Variants in NTF3 observed in about 807,000 individuals in gnomAD.
NTF3 encodes the protein neurotrophin 3, also known as neurotrophin-3.
In NTF3, 8 loss-of-function variants were observed where a neutral mutation model predicts 26.3. That is an observed-to-expected ratio of 0.30 (90% CI 0.18 to 0.55). The LOEUF (loss-of-function observed/expected upper bound fraction) is 0.55, where lower values mean the gene tolerates loss of function less well. NTF3 is among the 20% of genes least tolerant of loss of function. NTF3 has a pLI of 0.93. For synonymous variants in NTF3, 154 were observed against 145.5 expected (o/e 1.06, Z -0.42); for missense variants, 276 against 352.9 (o/e 0.78, Z 1.75).
intron 1 of NTF3, among the ~76,000 whole-genome samples, chr12:5,460,715 C>G (rs1346101832): frequency 1.3e-5 from 2 of 152,184 alleles, no homozygotes; most frequent in African/African-American, 4.8e-5. Context: ...GCCCCCATCC[C>G]AGTTTTAACC....
intron 1 of NTF3, among the ~76,000 whole-genome samples, chr12:5,472,165 C>T (rs1450553888): frequency 6.6e-6 from 1 of 152,126 alleles, no homozygotes; most frequent in African/African-American, 2.4e-5. Flanking sequence ...GACATTCCTA[C>T]ACACTGACAT....
At chr12:5,462,818 T>C (rs1234573536) in intron 1 of NTF3, among the ~76,000 whole-genome samples, 4 of 152,222 alleles carry the variant, frequency 2.6e-5, no homozygotes, top group African/African-American at 7.2e-5. Context: ...GATGTTCTTT[T>C]TGCGCACACT....
intron 1 of NTF3, among the ~76,000 whole-genome samples, chr12:5,446,351 G>T (rs1356787876): frequency 1.3e-5 from 2 of 152,144 alleles, no homozygotes; most frequent in Non-Finnish European, 2.9e-5. Context: ...CCAGTAATTT[G>T]CATATCAGCC....
intron 1 of NTF3, among the ~76,000 whole-genome samples, chr12:5,482,145 A>G (rs1015030612): frequency 2.6e-5 from 4 of 151,950 alleles, no homozygotes; most frequent in African/African-American, 4.8e-5. Context: ...ACACATAGAC[A>G]CATGTTGTGT....
At chr12:5,491,563 G>C (rs558347846) in intron 1 of NTF3, among the ~76,000 whole-genome samples, 2 of 152,104 alleles carry the variant, frequency 1.3e-5, no homozygotes, top group Admixed American at 6.5e-5. Flanking sequence ...ATTTCAACAG[G>C]AGAGGCAGTG....
intron 1 of NTF3, among the ~76,000 whole-genome samples, chr12:5,452,742 C>G (rs888492933): frequency 3.3e-5 from 5 of 152,184 alleles, no homozygotes; most frequent in Admixed American, 3.3e-4. Flanking sequence ...CGCATCCCCC[C>G]ACCTAGGGCA....
intron 1 of NTF3, among the ~76,000 whole-genome samples, chr12:5,465,786 C>CTGAG (rs1940582276): frequency 6.6e-6 from 1 of 152,254 alleles, no homozygotes; most frequent in Non-Finnish European, 1.5e-5. Flanking sequence ...AGGGATCCTA[C>CTGAG]TGAGCTCTTC....
chr12:5,465,779 G>T (rs1377929760), intron 1 of NTF3, among the ~76,000 whole-genome samples: 1 of 152,212 alleles, frequency 6.6e-6, no homozygotes, highest in Non-Finnish European at 1.5e-5. Flanking sequence ...CCAGGCCAGG[G>T]ATCCTACTGA....
intron 1 of NTF3, among the ~76,000 whole-genome samples, chr12:5,453,187 A>G (rs1940397262): frequency 6.6e-6 from 1 of 152,234 alleles, no homozygotes; most frequent in Admixed American, 6.5e-5. Flanking sequence ...AGTTTTGAAA[A>G]GAATAAATTA....
chr12:5,491,607 T>C (rs1283480901), intron 1 of NTF3, among the ~76,000 whole-genome samples: 1 of 151,536 alleles, frequency 6.6e-6, no homozygotes, highest in African/African-American at 2.4e-5. Flanking sequence ...CAGTGAGTAG[T>C]GAATGGGGTT....
chr12:5,466,953 C>T (rs1844981231), intron 1 of NTF3, among the ~76,000 whole-genome samples: 1 of 152,112 alleles, frequency 6.6e-6, no homozygotes, highest in African/African-American at 2.4e-5. Context: ...GGGTGCTTGG[C>T]CGGGTGCAGT....
intron 1 of NTF3, among the ~76,000 whole-genome samples, chr12:5,447,378 G>A (rs767566810): frequency 2.6e-5 from 4 of 152,212 alleles, no homozygotes; most frequent in Non-Finnish European, 5.9e-5. Context: ...GAGGAGTTAA[G>A]AGTGATCCTT....
intron 1 of NTF3, among the ~76,000 whole-genome samples, chr12:5,459,967 C>T (rs557917423): frequency 1.3e-4 from 20 of 152,336 alleles, no homozygotes; most frequent in African/African-American, 4.8e-4. Flanking sequence ...CCCACCTCAC[C>T]ACCCTCCCAC....
intron 1 of NTF3, among the ~76,000 whole-genome samples, chr12:5,476,631 C>T (rs1940728514): frequency 6.6e-6 from 1 of 152,180 alleles, no homozygotes; most frequent in African/African-American, 2.4e-5. Context: ...GAGAATAGCA[C>T]ACCCGTAGTA....
At chr12:5,455,110 A>C (rs1940422089) in intron 1 of NTF3, among the ~76,000 whole-genome samples, 1 of 152,178 alleles carries the variant, frequency 6.6e-6, no homozygotes. Context: ...TGCAGTGAGC[A>C]CAGCCCCTGT....
intron 1 of NTF3, among the ~76,000 whole-genome samples, chr12:5,455,366 A>T (rs1231004017): frequency 6.6e-6 from 1 of 152,108 alleles, no homozygotes; most frequent in East Asian, 1.9e-4. Flanking sequence ...GTAACCCATG[A>T]CTGCCTGGGT....
chr12:5,432,461 AT>A lies in NTF3; in HGVS notation c.18+120del, dbSNP rs1940104884. On this transcript the variant is annotated intron_variant, in intron 1 of 1. Transcript: ENST00000423158. ...CAGATCCGCATCCCGCCCCACCCCC[AT>A]CGCGCCGCGCTCACTCACTTTCCCG... The A allele has an allele frequency of 1.3e-5, 15 of 1,133,864 alleles. No homozygotes were observed. In the Admixed American group the frequency reaches 2.9e-4, roughly 22 times the overall value. The allele number at this position is 1,133,864 out of a possible 1,614,324, so 70.2% of individuals were successfully genotyped here.
At chr12:5,438,222 C>T (rs1940196897) in intron 1 of NTF3, among the ~76,000 whole-genome samples, 1 of 151,910 alleles carries the variant, frequency 6.6e-6, no homozygotes, top group African/African-American at 2.4e-5. Flanking sequence ...TAGATGGCCC[C>T]AGAGCGTTAA....
intron 1 of NTF3, among the ~76,000 whole-genome samples, chr12:5,439,969 C>T (rs1940217709): frequency 6.6e-6 from 1 of 152,144 alleles, no homozygotes; most frequent in South Asian, 2.1e-4. Flanking sequence ...TGATGCAGAG[C>T]AGAGCAGCTG....
Sources: gnomAD v4.1 joint callset for allele counts (sites outside exome capture counted in the v4.1 genomes callset) on GRCh38, gnomAD v4.1.1 for gene constraint, MANE v1.5 for transcripts, NCBI Gene and HGNC (gene_info 2026-07-23, HGNC 2026-07-21) for gene names.